The following ANK3 variants were observed in gnomAD, a reference collection of about 807,000 sequenced individuals.
The protein encoded by ANK3 is ankyrin-3.
In ANK3, 57 loss-of-function variants were observed where a neutral mutation model predicts 370.9. That is an observed-to-expected ratio of 0.15 (90% confidence interval 0.12 to 0.19). ANK3 has a LOEUF of 0.19. ANK3 is among the 10% of genes least tolerant of loss of function. The probability of loss-of-function intolerance (pLI) is 1.00; values close to 1 mark genes in which losing one functional copy is unlikely to be tolerated. For synonymous variants in ANK3, 1,929 were observed against 1,946.3 expected (o/e 0.99, Z 0.23); for missense variants, 4,439 against 5,302.1 (o/e 0.84, Z 5.06).
chr10:60,455,151 A>C (rs1002971519), intron 2 of ANK3, among the ~76,000 whole-genome samples: 3 of 152,206 alleles, frequency 2.0e-5, no homozygotes, highest in African/African-American at 7.2e-5. Flanking sequence ...TATTTTACAA[A>C]ATCCAATCTC....
At chr10:60,374,102 T>A (rs890617576) in intron 1 of ANK3, among the ~76,000 whole-genome samples, 2 of 151,638 alleles carry the variant, frequency 1.3e-5, no homozygotes, top group African/African-American at 4.8e-5. Flanking sequence ...GCTCCAAGTA[T>A]CCCTTGTGCT....
intron 43 of ANK3, among the ~76,000 whole-genome samples, chr10:60,035,840 T>G (rs962725911): frequency 6.6e-6 from 1 of 151,278 alleles, no homozygotes; most frequent in Non-Finnish European, 1.5e-5. Context: ...AAATACAAAA[T>G]TAGCTGGGCT....
At chr10:60,643,039 C>T (rs1272271682) in intron 1 of ANK3, among the ~76,000 whole-genome samples, 2 of 152,138 alleles carry the variant, frequency 1.3e-5, no homozygotes, top group Non-Finnish European at 2.9e-5. Context: ...TCAATAAGCA[C>T]ATACTCAATG....
chr10:60,208,243 A>G lies in ANK3; in HGVS notation c.997-10T>C, dbSNP rs1274598784. 6.2e-7 allele frequency: 1 copy of G among 1,612,958 alleles called. No individual in the cohort carries two copies. Among genetic ancestry groups the G allele is most frequent in the Non-Finnish European group, 8.5e-7 (1 of 1,178,918 alleles). ...ATGGAGATAATCCATTCTGGAACAC[A>G]TAAAGAAATCAGAGTTCATTCTTTT... On this transcript the variant is annotated splice_polypyrimidine_tract_variant and intron_variant, in intron 9 of 43. Transcript: ENST00000280772.
chr10:60,274,767 C>T (rs2098060101), intron 4 of ANK3, among the ~76,000 whole-genome samples: 1 of 152,170 alleles, frequency 6.6e-6, no homozygotes, highest in South Asian at 2.1e-4. Flanking sequence ...CCAATAAATT[C>T]CCTCTTGTGC....
chr10:60,049,107 TTTG>T, intron 42 of ANK3, among the ~76,000 whole-genome samples: 1 of 152,352 alleles, frequency 6.6e-6, no homozygotes, highest in East Asian at 1.9e-4. Context: ...ATAAAGTGTT[TTTG>T]TTATACCTAT....
chr10:60,720,285 C>T (rs993676501), intron 1 of ANK3, among the ~76,000 whole-genome samples: 2 of 152,154 alleles, frequency 1.3e-5, no homozygotes, highest in African/African-American at 4.8e-5. Flanking sequence ...CATGAAGGAT[C>T]ACATTTAATT....
chr10:60,067,328 A>G (rs1203729895), intron 38 of ANK3, among the ~76,000 whole-genome samples: 2 of 152,256 alleles, frequency 1.3e-5, no homozygotes, highest in Non-Finnish European at 2.9e-5. Context: ...TACATAGATA[A>G]TGCAAATAAT....
intron 1 of ANK3, among the ~76,000 whole-genome samples, chr10:60,299,561 G>A (rs2043251009): frequency 6.6e-6 from 1 of 152,152 alleles, no homozygotes; most frequent in South Asian, 2.1e-4. Flanking sequence ...TAGATGAAAG[G>A]ATATAGGTAG....
intron 2 of ANK3, among the ~76,000 whole-genome samples, chr10:60,410,240 G>A (rs2063532331): frequency 6.6e-6 from 1 of 151,902 alleles, no homozygotes; most frequent in African/African-American, 2.4e-5. Flanking sequence ...ACCAGCCTGG[G>A]CAACATAGTG....
chr10:60,321,944 G>C (rs1042528098), intron 1 of ANK3, among the ~76,000 whole-genome samples: 13 of 152,094 alleles, frequency 8.5e-5, no homozygotes, highest in Admixed American at 8.5e-4. Flanking sequence ...TGGGGGGTGC[G>C]AGCTGGCAGA....
intron 2 of ANK3, among the ~76,000 whole-genome samples, chr10:60,430,537 T>G (rs999040506): frequency 1.3e-5 from 2 of 152,142 alleles, no homozygotes; most frequent in Non-Finnish European, 2.9e-5. Flanking sequence ...CAGGACACTA[T>G]TAAGATTGAA....
chr10:60,107,738 G>A (rs1258822502), intron 27 of ANK3, among the ~76,000 whole-genome samples: 1 of 152,020 alleles, frequency 6.6e-6, no homozygotes, highest in Non-Finnish European at 1.5e-5. Context: ...ACTTTTAAAA[G>A]ATCTAATTAC....
rs138143742 is a variant in ANK3 at position 60,586,274 on chromosome 10, A to T, written c.96+28912T>A. Among the ~76,000 whole-genome samples the T allele has an allele frequency of 3.5e-3, 538 of 152,276 alleles. 3 individuals carry two copies. The highest frequency in any genetic ancestry group is 0.012 in the African/African-American group (516 of 41,548). On this transcript the variant is annotated intron_variant, in intron 2 of 43. Coordinates refer to the ANK3 transcript ENST00000373827. ...ACAAGGGCTACAGAGAGCAATCAGC[A>T]GGGAATTGTTCTCAGAGGGTAGAAT...
At chr10:60,211,660 C>T (rs1169897145) in intron 9 of ANK3, among the ~76,000 whole-genome samples, 3 of 151,976 alleles carry the variant, frequency 2.0e-5, no homozygotes, top group African/African-American at 7.2e-5. Context: ...CCTCTTTCCC[C>T]TACTCAGAAT....
At chr10:60,713,184 C>T (rs970028110) in intron 1 of ANK3, among the ~76,000 whole-genome samples, 5 of 152,004 alleles carry the variant, frequency 3.3e-5, no homozygotes, top group African/African-American at 1.2e-4. Flanking sequence ...TGGAACATTC[C>T]CCAAAACAGA....
At chr10:60,662,529 TG>T (rs1454857928) in intron 1 of ANK3, among the ~76,000 whole-genome samples, 1 of 152,198 alleles carries the variant, frequency 6.6e-6, no homozygotes, top group African/African-American at 2.4e-5. Context: ...GCTAAATATG[TG>T]TATATATTTC....
chr10:60,264,157 G>A, intron 5 of ANK3, 137 bp from the exon 6 acceptor site: 1 of 638,120 alleles, frequency 1.6e-6, no homozygotes, highest in Non-Finnish European at 2.6e-6. Flanking sequence ...ATATTTGAAT[G>A]GACAGAAATG....
intron 2 of ANK3, among the ~76,000 whole-genome samples, chr10:60,411,534 G>T (rs566153533): frequency 1.8e-4 from 28 of 152,202 alleles, no homozygotes; most frequent in Non-Finnish European, 3.4e-4. Context: ...AGTCTCTGGA[G>T]GGGTGGAGGT....
Sources: gnomAD v4.1 joint callset for allele counts (sites outside exome capture counted in the v4.1 genomes callset) on GRCh38, gnomAD v4.1.1 for gene constraint, MANE v1.5 for transcripts, NCBI Gene and HGNC (gene_info 2026-07-23, HGNC 2026-07-21) for gene names.